SCAPER: variants seen among roughly 807,000 people sequenced by gnomAD.
The protein encoded by SCAPER is S phase cyclin A-associated protein in the endoplasmic reticulum.
A neutral mutation model predicts 182.2 loss-of-function variants in SCAPER; 98 were observed. That is an observed-to-expected ratio of 0.54 (90% CI 0.46 to 0.64). The LOEUF is 0.64. Among genes scored for constraint, SCAPER ranks in the 30% least tolerant of loss-of-function variants. SCAPER has a pLI of 0.00. For synonymous variants in SCAPER, 605 were observed against 564.6 expected (o/e 1.07, Z -1.01); for missense variants, 1,432 against 1,690.0 (o/e 0.85, Z 2.68).
chr15:76,646,356 A>G (rs1053904552), intron 21 of SCAPER, among the ~76,000 whole-genome samples: 2 of 152,166 alleles, frequency 1.3e-5, no homozygotes, highest in South Asian at 2.1e-4. Flanking sequence ...TAGGAAGTCT[A>G]TTAGCCTAGT....
intron 5 of SCAPER, 65 bp downstream of exon 5, chr15:76,841,669 C>A: frequency 6.6e-7 from 1 of 1,517,914 alleles, no homozygotes; most frequent in South Asian, 1.2e-5. Flanking sequence ...AAGATCAAGT[C>A]ACATGTAGCA....
intron 27 of SCAPER, among the ~76,000 whole-genome samples, chr15:76,388,653 A>G (rs1009465978): frequency 6.6e-5 from 10 of 152,206 alleles, no homozygotes; most frequent in Admixed American, 5.9e-4. Flanking sequence ...ACAGATGTAA[A>G]TCTACTTTGA....
At chr15:76,771,482 G>A (rs1464570171) in intron 10 of SCAPER, among the ~76,000 whole-genome samples, 2 of 152,068 alleles carry the variant, frequency 1.3e-5, no homozygotes, top group Non-Finnish European at 1.5e-5. Flanking sequence ...TCTGGGCTAA[G>A]AGCATTTGAT....
In SCAPER at chr15:76,850,859, CAAAAAAAAAAAAAAAAAAG is replaced by C. The variant is rs1442250877; in HGVS notation, c.195+6931_195+6949del. ...TGGGCGAAAGAGCAAGACTCTGTCTCAAAAAAAAAAAAAAAAAAGAAAAAAAAAGAGAGAATATGGATAG... is the reference window on the plus strand; with the variant it reads ...TGGGCGAAAGAGCAAGACTCTGTCTCAAAAAAAAAGAGAGAATATGGATAG... On this transcript the variant is annotated intron_variant, in intron 4 of 31. Transcript: ENST00000563290. 1.0e-4 allele frequency among the ~76,000 whole-genome samples: 9 copies of C among 90,052 alleles called. No individual in the cohort carries two copies. In the Admixed American group the frequency reaches 1.2e-3, roughly 12 times the overall value. 59.1% of individuals were successfully genotyped at this position (90,052 alleles called of 152,430 possible). A position where few individuals can be genotyped will look rare whatever the true frequency, so the allele number is the denominator to read the frequency against.
chr15:76,718,062 A>G lies in SCAPER; in HGVS notation c.2165+10533T>C, dbSNP rs535966956. On this transcript the variant is annotated intron_variant, in intron 17 of 31. Transcript: ENST00000563290. ...GTCTTAACAAATTTAAGAAGATTCA[A>G]ATTGTACCTATTGTTGTTTCAGATC... 1.3e-5 allele frequency among the ~76,000 whole-genome samples: 2 copies of G among 152,182 alleles called. 1 individual carries two copies. The highest frequency in any genetic ancestry group is 4.1e-4 in the South Asian group (2 of 4,828).
At chr15:76,553,236 T>C (rs568805867) in intron 23 of SCAPER, among the ~76,000 whole-genome samples, 12 of 152,314 alleles carry the variant, frequency 7.9e-5, no homozygotes, top group African/African-American at 2.6e-4. Context: ...TGCTGCTGCA[T>C]TGCAAGTGCC....
intron 24 of SCAPER, among the ~76,000 whole-genome samples, chr15:76,489,242 A>G (rs2052029631): frequency 7.2e-6 from 1 of 139,364 alleles, no homozygotes. Context: ...TAACAGAAAA[A>G]AACCACAATT....
intron 22 of SCAPER, among the ~76,000 whole-genome samples, chr15:76,593,948 A>T (rs772280481): frequency 1.7e-5 from 2 of 121,208 alleles, no homozygotes; most frequent in Non-Finnish European, 4.0e-5. Context: ...CTTGCCAGCA[A>T]GGGAATAAAA....
chr15:76,694,676 G>A (rs957432573), intron 20 of SCAPER, among the ~76,000 whole-genome samples: 1 of 151,984 alleles, frequency 6.6e-6, no homozygotes, highest in Non-Finnish European at 1.5e-5. Context: ...TTAAGGAAGA[G>A]ACAATTTCTA....
In SCAPER at chr15:76,555,358, G is replaced by A. The variant is rs1024727106; in HGVS notation, c.2838+18800C>T. On this transcript the variant is annotated intron_variant, in intron 23 of 31. Transcript: ENST00000563290. The stretch of plus-strand genomic sequence containing the variant: ...CATAATAACTAGCTAACAACAAGAT[G>A]ACAGGATCAAATCTGCCCATATCAA... 1.2e-4 allele frequency among the ~76,000 whole-genome samples: 18 copies of A among 152,210 alleles called. No individual in the cohort carries two copies. In the South Asian group the frequency reaches 2.5e-3, roughly 21 times the overall value.
intron 2 of SCAPER, 21 bp downstream of exon 2, chr15:76,883,791 A>G (rs1265742230): frequency 1.1e-5 from 17 of 1,502,980 alleles, no homozygotes; most frequent in Non-Finnish European, 1.4e-5. Context: ...AACTAAGGCT[A>G]GTCTTTAAGA....
chr15:76,348,440 CAACTT>C lies in SCAPER; in HGVS notation c.*188_*192del. 2.4e-6 allele frequency: 1 copy of C among 410,554 alleles called. No homozygotes were observed. Among genetic ancestry groups the C allele is most frequent in the Middle Eastern group, 6.7e-4 (1 of 1,496 alleles). 25.4% of individuals were successfully genotyped at this position (410,554 alleles called of 1,614,324 possible). The stretch of plus-strand genomic sequence containing the variant: ...ATACTCTGCATAAATGAAATAAACT[CAACTT>C]GCAAAATTAGCAAGTAGAACATTCA... On this transcript the variant is annotated 3_prime_UTR_variant, in exon 32 of 32. Coordinates refer to ENST00000563290, the MANE Select transcript of SCAPER (RefSeq NM_020843.4).
intron 21 of SCAPER, among the ~76,000 whole-genome samples, chr15:76,641,941 T>C (rs1221346913): frequency 6.6e-6 from 1 of 152,198 alleles, no homozygotes; most frequent in African/African-American, 2.4e-5. Flanking sequence ...ACAGACAGAC[T>C]TGATTTTAAT....
intron 5 of SCAPER, among the ~76,000 whole-genome samples, chr15:76,821,353 T>C (rs1257350013): frequency 6.6e-6 from 1 of 152,232 alleles, no homozygotes; most frequent in Non-Finnish European, 1.5e-5. Context: ...GTAAGGTGGC[T>C]CACGCCTATA....
intron 22 of SCAPER, among the ~76,000 whole-genome samples, chr15:76,607,865 C>T (rs2050589803): frequency 6.6e-6 from 1 of 152,288 alleles, no homozygotes; most frequent in East Asian, 1.9e-4. Flanking sequence ...TTTTCAGCTC[C>T]ATCAGGTCCT....
At chr15:76,900,831 T>A (rs1219562084) in intron 1 of SCAPER, among the ~76,000 whole-genome samples, 1 of 152,216 alleles carries the variant, frequency 6.6e-6, no homozygotes. Flanking sequence ...GAAGCCAGAA[T>A]AGTACATCTA....
At chr15:76,607,539 A>G (rs943025240) in intron 22 of SCAPER, among the ~76,000 whole-genome samples, 35 of 152,122 alleles carry the variant, frequency 2.3e-4, no homozygotes, top group South Asian at 1.7e-3. Context: ...CATTCTCTGT[A>G]TTTCCTGGAT....
intron 23 of SCAPER, among the ~76,000 whole-genome samples, chr15:76,554,414 A>C (rs765616962): frequency 3.9e-5 from 6 of 152,232 alleles, no homozygotes; most frequent in Non-Finnish European, 7.3e-5. Context: ...ATATTTGAGA[A>C]TATCATCCAT....
At chr15:76,471,669 A>G (rs1190588016) in intron 24 of SCAPER, among the ~76,000 whole-genome samples, 1 of 152,180 alleles carries the variant, frequency 6.6e-6, no homozygotes, top group Admixed American at 6.5e-5. Context: ...TTGAAATAAT[A>G]CCCAGAAAAA....
Sources: allele counts gnomAD v4.1 joint callset (sites outside exome capture counted in the v4.1 genomes callset), GRCh38; gene constraint gnomAD v4.1.1; transcripts MANE v1.5; gene names NCBI Gene and HGNC (gene_info 2026-07-23, HGNC 2026-07-21).